LGR6: variants seen among roughly 807,000 people sequenced by gnomAD.
The protein encoded by LGR6 is leucine-rich repeat-containing G protein-coupled receptor 6.
A neutral mutation model predicts 69.4 loss-of-function variants in LGR6; 45 were observed. That is an observed-to-expected ratio of 0.65 (90% CI 0.51 to 0.83). LGR6 has a LOEUF of 0.83. LGR6 is among the 40% of genes least tolerant of loss of function. LGR6 has a pLI of 0.00. For missense variants in LGR6, 1,108 were observed against 1,246.7 expected (o/e 0.89, Z 1.68); for synonymous variants, 538 against 555.0 (o/e 0.97, Z 0.43).
chr1:202,257,801 C>G (rs1663897270), intron 4 of LGR6, among the ~76,000 whole-genome samples: 1 of 152,040 alleles, frequency 6.6e-6, no homozygotes, highest in Non-Finnish European at 1.5e-5. Flanking sequence ...TTCTTGCTCC[C>G]TTGCATTTCC....
At chr1:202,277,337 G>A (rs1047710689) in intron 5 of LGR6, among the ~76,000 whole-genome samples, 2 of 152,084 alleles carry the variant, frequency 1.3e-5, no homozygotes, top group African/African-American at 2.4e-5. Context: ...GAAAAGGCAG[G>A]CACCAATTTG....
chr1:202,290,858 C>CT (rs1666746253), intron 6 of LGR6, among the ~76,000 whole-genome samples: 2 of 152,124 alleles, frequency 1.3e-5, no homozygotes, highest in Admixed American at 6.5e-5. Context: ...GAGCAAAACT[C>CT]TGTCTCAAAA....
intron 2 of LGR6, among the ~76,000 whole-genome samples, chr1:202,226,381 T>C (rs1660552673): frequency 6.6e-6 from 1 of 152,170 alleles, no homozygotes; most frequent in African/African-American, 2.4e-5. Flanking sequence ...CTAGCTCTTT[T>C]AGAATTTAAA....
rs753682802 is a variant in LGR6 at position 202,318,948 on chromosome 1, C to G, written c.2645C>G (p.Ala882Gly). ...AFSDVDLILE[A>G]SEAGRPPGLE... ...TCTGATGTGGATCTCATTCTGGAAG[C>G]TTCTGAAGCTGGGCGGCCCCCTGGG... Residue 882 changes from alanine (A) to glycine (G), a missense_variant, in exon 18 of 18, where the codon GCT (alanine) becomes GGT (glycine). By Grantham distance (60) the Ala-to-Gly change is moderately conservative. Transcript: ENST00000367278. 7.6e-5 allele frequency: 122 copies of G among 1,613,670 alleles called. No homozygotes were observed. The highest frequency in any genetic ancestry group is 1.0e-4 in the Non-Finnish European group (118 of 1,179,834).
intron 1 of LGR6, among the ~76,000 whole-genome samples, chr1:202,206,732 A>T (rs181283597): frequency 5.5e-4 from 84 of 152,102 alleles, no homozygotes; most frequent in East Asian, 2.1e-3. Flanking sequence ...AAGTTTTTTT[A>T]AAATTAAAAA....
chr1:202,301,066 TG>T, intron 8 of LGR6, 97 bp from the exon 9 acceptor site: 1 of 1,366,874 alleles, frequency 7.3e-7, no homozygotes, highest in Non-Finnish European at 1.0e-6. Flanking sequence ...TGTTCTTTCC[TG>T]GGTCTACATT....
At chr1:202,317,475 G>C (rs1374664809) in intron 17 of LGR6, among the ~76,000 whole-genome samples, 1 of 152,022 alleles carries the variant, frequency 6.6e-6, no homozygotes, top group Non-Finnish European at 1.5e-5. Flanking sequence ...CTCCCAAGTA[G>C]TTGGGACTAC....
intron 4 of LGR6, among the ~76,000 whole-genome samples, chr1:202,247,016 G>T (rs985872214): frequency 2.0e-5 from 3 of 152,222 alleles, no homozygotes; most frequent in African/African-American, 7.2e-5. Flanking sequence ...AGCTGTGAGG[G>T]ACCCTTGAGG....
intron 4 of LGR6, among the ~76,000 whole-genome samples, chr1:202,264,171 G>T (rs1558046362): frequency 6.6e-6 from 1 of 152,098 alleles, no homozygotes; most frequent in African/African-American, 2.4e-5. Context: ...TGGGAATGAG[G>T]GAGAAAATAG....
At chr1:202,214,488 G>A (rs1659631289) in intron 1 of LGR6, among the ~76,000 whole-genome samples, 1 of 151,892 alleles carries the variant, frequency 6.6e-6, no homozygotes. Context: ...GCGCGCGCGA[G>A]GCTGGTCCCC....
intron 4 of LGR6, among the ~76,000 whole-genome samples, chr1:202,239,318 TTGGC>T (rs1294445367): frequency 6.7e-6 from 1 of 149,528 alleles, no homozygotes; most frequent in East Asian, 2.0e-4. Context: ...GGAAGTGAGT[TTGGC>T]TGGCTGAACT....
At chr1:202,261,935 G>GT (rs1353145943) in intron 4 of LGR6, among the ~76,000 whole-genome samples, 1 of 152,050 alleles carries the variant, frequency 6.6e-6, no homozygotes, top group Non-Finnish European at 1.5e-5. Context: ...GGGGTTGTTT[G>GT]TTTTTTTCTT....
intron 4 of LGR6, among the ~76,000 whole-genome samples, chr1:202,247,643 A>G (rs112214865): frequency 5.8e-4 from 89 of 152,346 alleles, no homozygotes; most frequent in African/African-American, 2.0e-3. Flanking sequence ...GATAAAGGTT[A>G]GACTTTGGGA....
chr1:202,270,921 G>A (rs191070864), intron 4 of LGR6, among the ~76,000 whole-genome samples: 4 of 152,238 alleles, frequency 2.6e-5, no homozygotes, highest in Admixed American at 2.6e-4. Flanking sequence ...CTTAGCTGGG[G>A]GAGTATGAGA....
intron 7 of LGR6, among the ~76,000 whole-genome samples, chr1:202,300,511 G>C (rs788822): frequency 0.48 from 72,665 of 151,864 alleles, 18,414 homozygotes; most frequent in East Asian, 0.71. Context: ...AAAAATTAGC[G>C]AGGTGCAGTG....
intron 1 of LGR6, among the ~76,000 whole-genome samples, chr1:202,197,689 A>C (rs1047223436): frequency 6.6e-6 from 1 of 152,058 alleles, no homozygotes; most frequent in African/African-American, 2.4e-5. Context: ...CTCACATGTG[A>C]GCACGAAAAC....
At chr1:202,226,061 C>T (rs748536162) in intron 2 of LGR6, among the ~76,000 whole-genome samples, 1 of 152,186 alleles carries the variant, frequency 6.6e-6, no homozygotes, top group Non-Finnish European at 1.5e-5. Context: ...CAGTTAAGGC[C>T]CATTTCCTCC....
intron 6 of LGR6, among the ~76,000 whole-genome samples, chr1:202,291,452 C>T (rs1666785924): frequency 6.6e-6 from 1 of 152,214 alleles, no homozygotes; most frequent in South Asian, 2.1e-4. Context: ...CATGAAGCAG[C>T]CAGCTACCAA....
intron 4 of LGR6, among the ~76,000 whole-genome samples, chr1:202,253,734 T>C (rs1461887427): frequency 3.6e-5 from 5 of 138,022 alleles, no homozygotes; most frequent in Admixed American, 7.4e-5. Context: ...GTTCAAGCGA[T>C]TCTCCTGCCT....
Sources: allele counts gnomAD v4.1 joint callset (sites outside exome capture counted in the v4.1 genomes callset), GRCh38; gene constraint gnomAD v4.1.1; transcripts MANE v1.5; gene names NCBI Gene and HGNC (gene_info 2026-07-23, HGNC 2026-07-21).